PCDH11X: variants seen among roughly 807,000 people sequenced by gnomAD.
The protein encoded by PCDH11X is protocadherin 11 X-linked.
PCDH11X carries 18 observed loss-of-function variants against 53.3 expected under a neutral mutation model. The ratio of observed to expected loss-of-function variants is 0.34; its 90% CI spans 0.23 to 0.50. The LOEUF is 0.50. PCDH11X is among the 20% of genes least tolerant of loss of function. The pLI, the probability that PCDH11X is intolerant of heterozygous loss-of-function variation, is 0.98. For synonymous variants in PCDH11X, 279 were observed against 393.3 expected, an observed-to-expected ratio of 0.71 and a Z score of 3.44; for missense variants, 570 against 1,032.4, an observed-to-expected ratio of 0.55 and a Z score of 6.14.
chrX:91,819,558 TGTA>T (rs1266455713), intron 4 of PCDH11X, among the ~76,000 whole-genome samples: 3 of 110,329 alleles, frequency 2.7e-5, no homozygotes, highest in Middle Eastern at 4.2e-3. Flanking sequence ...TGCTGGTTGT[TGTA>T]GTCATATATT....
intron 6 of PCDH11X, among the ~76,000 whole-genome samples, chrX:92,200,874 AT>A (rs1461553202): frequency 3.2e-5 from 3 of 94,281 alleles, no homozygotes; most frequent in African/African-American, 1.1e-4. Context: ...TAAATATTTT[AT>A]TTTTTATCTT....
chrX:92,226,361 A>T (rs925512653), intron 7 of PCDH11X, among the ~76,000 whole-genome samples: 11 of 111,647 alleles, frequency 9.9e-5, no homozygotes, highest in Middle Eastern at 4.7e-3. Context: ...TCGAGTAGAG[A>T]AATCTAGCAA....
intron 7 of PCDH11X, among the ~76,000 whole-genome samples, chrX:92,213,123 A>T (rs142626528): frequency 5.9e-4 from 66 of 112,101 alleles, no homozygotes; most frequent in Middle Eastern, 4.6e-3. Flanking sequence ...AAGACTAAAT[A>T]TAAAAAAATC....
intron 7 of PCDH11X, among the ~76,000 whole-genome samples, chrX:92,250,759 C>T (rs777463874): frequency 2.9e-4 from 31 of 108,760 alleles, no homozygotes; most frequent in African/African-American, 1.0e-3. Context: ...AAAAGACTAC[C>T]TATTATAGGA....
chrX:92,175,785 T>TACACACACAC (rs750843204), intron 6 of PCDH11X, among the ~76,000 whole-genome samples: 3 of 83,819 alleles, frequency 3.6e-5, no homozygotes, highest in African/African-American at 8.6e-5. Context: ...TGTATATATA[T>TACACACACAC]ACACACACAC....
intron 9 of PCDH11X, among the ~76,000 whole-genome samples, chrX:92,394,631 C>T (rs781578371): frequency 1.8e-5 from 2 of 111,447 alleles, no homozygotes; most frequent in African/African-American, 6.5e-5. Context: ...AATCTTACTT[C>T]TCACTTTCCT....
At position 92,580,214 on chromosome X, in the gene PCDH11X, A is replaced by G. The variant is rs193036968; in HGVS notation, c.3368-38050A>G. ...CCTGTTGGAGCATCTCATACAGTCAAAGGGCATGGGATCAGGGACTCACTC... is the reference window on the plus strand; with the variant it reads ...CCTGTTGGAGCATCTCATACAGTCAGAGGGCATGGGATCAGGGACTCACTC... On this transcript the variant is annotated intron_variant, in intron 10 of 10. Transcript: ENST00000682573. Among the ~76,000 whole-genome samples, 6 of 107,363 alleles carry G rather than the reference A, an allele frequency of 5.6e-5. No homozygotes were observed. In the East Asian group the frequency reaches 1.7e-3, roughly 31 times the overall value. The allele number at this position is 107,363 out of a possible 115,157, so 93.2% of individuals were successfully genotyped here. A position where few individuals can be genotyped will look rare whatever the true frequency, so the allele number is the denominator to read the frequency against.
intron 6 of PCDH11X, among the ~76,000 whole-genome samples, chrX:92,127,105 T>G (rs2064880741): frequency 9.0e-6 from 1 of 111,408 alleles, no homozygotes; most frequent in East Asian, 2.8e-4. Context: ...CAGAGATATA[T>G]GAATCTAATT....
At chrX:92,366,807 G>A (rs1230819283) in intron 8 of PCDH11X, among the ~76,000 whole-genome samples, 1 of 106,156 alleles carries the variant, frequency 9.4e-6, no homozygotes, top group Non-Finnish European at 1.9e-5. Context: ...GTGGTTTTGA[G>A]TGAGTTTCTT....
chrX:91,980,420 G>A (rs1409323521), intron 6 of PCDH11X, among the ~76,000 whole-genome samples: 1 of 105,144 alleles, frequency 9.5e-6, no homozygotes, highest in Admixed American at 1.1e-4. Context: ...GGATATCTTA[G>A]GGAAGTAATT....
At chrX:92,415,233 C>A (rs2071782305) in intron 9 of PCDH11X, among the ~76,000 whole-genome samples, 1 of 111,568 alleles carries the variant, frequency 9.0e-6, no homozygotes. Context: ...GAGGAAAGTA[C>A]TCTACTGTCT....
In PCDH11X at chrX:92,419,447, T is replaced by A. The variant is rs192237748; in HGVS notation, c.3343+31514T>A. Among the ~76,000 whole-genome samples the A allele has an allele frequency of 4.9e-3, 531 of 107,764 alleles. 11 individuals are homozygous for A. The South Asian group carries it at 0.062, about 13-fold the overall frequency. 93.6% of individuals were successfully genotyped at this position (107,764 alleles called of 115,157 possible). On this transcript the variant is annotated intron_variant, in intron 9 of 10. Transcript: ENST00000682573. Reference sequence around the variant, plus strand: ...TATCTTAACTTTTATCCTACCTAGGTCTTTCTAGCTAAAGCAGCTTTTTTG... The same window carrying A: ...TATCTTAACTTTTATCCTACCTAGGACTTTCTAGCTAAAGCAGCTTTTTTG...
intron 10 of PCDH11X, among the ~76,000 whole-genome samples, chrX:92,548,068 A>T (rs1379763122): frequency 1.8e-5 from 2 of 110,507 alleles, no homozygotes. Context: ...CTTCCTCACA[A>T]TCCAAGTTTA....
At chrX:92,032,529 T>A (rs2063067352) in intron 6 of PCDH11X, among the ~76,000 whole-genome samples, 1 of 111,094 alleles carries the variant, frequency 9.0e-6, no homozygotes, top group Non-Finnish European at 1.9e-5. Flanking sequence ...TGAATAACAA[T>A]GGTTAAAGTG....
intron 8 of PCDH11X, among the ~76,000 whole-genome samples, chrX:92,369,789 T>G (rs2070570357): frequency 1.8e-5 from 2 of 111,172 alleles, no homozygotes; most frequent in Admixed American, 1.9e-4. Flanking sequence ...GGTGAAGCGA[T>G]GCCCCACCCT....
intron 6 of PCDH11X, among the ~76,000 whole-genome samples, chrX:91,965,468 G>C (rs2061850276): frequency 9.2e-6 from 1 of 109,209 alleles, no homozygotes. Flanking sequence ...ATGTACATTA[G>C]ATGTGCAATT....
intron 10 of PCDH11X, among the ~76,000 whole-genome samples, chrX:92,473,045 T>G (rs1450689167): frequency 6.6e-5 from 7 of 106,810 alleles, no homozygotes; most frequent in East Asian, 2.9e-4. Flanking sequence ...TTGTTTGTTT[T>G]TTTTTTTAGA....
intron 10 of PCDH11X, among the ~76,000 whole-genome samples, chrX:92,603,698 A>G (rs1926481456): frequency 2.0e-5 from 2 of 100,839 alleles, no homozygotes; most frequent in Non-Finnish European, 4.0e-5. Flanking sequence ...TGAAATACAA[A>G]CCTTCCTAGA....
At chrX:92,526,297 T>C (rs1009932654) in intron 10 of PCDH11X, among the ~76,000 whole-genome samples, 13 of 110,819 alleles carry the variant, frequency 1.2e-4, no homozygotes, top group African/African-American at 4.3e-4. Context: ...TTTAGGAGAA[T>C]TGAGATTTTT....
Sources: gnomAD v4.1 joint callset for allele counts (sites outside exome capture counted in the v4.1 genomes callset) on GRCh38, gnomAD v4.1.1 for gene constraint, MANE v1.5 for transcripts, NCBI Gene and HGNC (gene_info 2026-07-23, HGNC 2026-07-21) for gene names.